Variants in EIF3H observed in about 807,000 individuals in gnomAD.
The protein encoded by EIF3H is eIF-3-gamma.
EIF3H carries 26 observed loss-of-function variants against 44.2 expected under a neutral mutation model. The observed-to-expected ratio is 0.59, with a 90% CI of 0.43 to 0.82. The LOEUF (loss-of-function observed/expected upper bound fraction) is 0.82, where lower values mean the gene tolerates loss of function less well. Ranked by LOEUF, EIF3H falls within the 40% of genes least tolerant of loss-of-function variation. EIF3H has a pLI of 0.00. For missense variants in EIF3H, 359 were observed against 432.8 expected (o/e 0.83, Z 1.51); for synonymous variants, 166 against 151.9 (o/e 1.09, Z -0.68).
chr8:116,757,941 C>T (rs1192543316), upstream of EIF3H, among the ~76,000 whole-genome samples: 5 of 152,104 alleles, frequency 3.3e-5, no homozygotes, highest in Non-Finnish European at 5.9e-5. Flanking sequence ...AGGCTGGTTT[C>T]GAACGCCTCA....
At chr8:116,750,403 CTTTTTTTTTTT>C (rs771136977) in intron 1 of EIF3H, among the ~76,000 whole-genome samples, 5 of 129,714 alleles carry the variant, frequency 3.9e-5, no homozygotes, top group African/African-American at 1.2e-4. Flanking sequence ...TTTAGCATGA[CTTTTTTTTTTT>C]TTTTTTTTTT....
At chr8:116,761,758 T>C (rs1356414127) in intron 1 of EIF3H, among the ~76,000 whole-genome samples, 2 of 152,210 alleles carry the variant, frequency 1.3e-5, no homozygotes, top group Non-Finnish European at 2.9e-5. Context: ...CTTGAAATCT[T>C]TTTCTAAGAG....
chr8:116,671,194 T>C (rs1308748101), intron 2 of EIF3H, among the ~76,000 whole-genome samples: 1 of 152,246 alleles, frequency 6.6e-6, no homozygotes, highest in Non-Finnish European at 1.5e-5. Context: ...TTTGTTTTAC[T>C]TTCCCTAAAC....
chr8:116,692,172 T>C (rs1814189770), intron 2 of EIF3H, among the ~76,000 whole-genome samples: 1 of 152,164 alleles, frequency 6.6e-6, no homozygotes, highest in South Asian at 2.1e-4. Context: ...ACTACAGGGG[T>C]AAGCATAGAC....
At chr8:116,724,501 T>G (rs912867164) in intron 2 of EIF3H, among the ~76,000 whole-genome samples, 1 of 151,814 alleles carries the variant, frequency 6.6e-6, no homozygotes, top group African/African-American at 2.4e-5. Context: ...ACAATCAACC[T>G]AGTAAAAAGG....
intron 2 of EIF3H, among the ~76,000 whole-genome samples, chr8:116,674,323 G>T (rs1490557808): frequency 7.5e-6 from 1 of 134,116 alleles, no homozygotes; most frequent in Non-Finnish European, 1.5e-5. Flanking sequence ...GGTGGAGGTG[G>T]GGGGGGGTGG....
At position 116,646,569 on chromosome 8, in the gene EIF3H, C is replaced by A; in HGVS notation, c.863G>T (p.Arg288Leu). Residue 288 changes from arginine (R) to leucine (L), a missense_variant, in exon 7 of 8, where the codon CGC becomes CTC. Around this residue, in one of 5 missense-constraint regions of EIF3H, gnomAD observed 94 missense variants for 96.0 expected, o/e 0.98. Transcript: ENST00000521861. ...GAGCGGGGGTTCTCCTCGGCTCTGG[C>A]GCTGCATATTCTCCTGCTGGCGACG... ...QQRRQQENMQ[R>L]QSRGEPPLPE... 1.9e-6 allele frequency: 3 copies of A among 1,614,024 alleles called. No homozygotes were observed. Among genetic ancestry groups the A allele is most frequent in the Non-Finnish European group, 2.5e-6 (3 of 1,179,982 alleles).
upstream of EIF3H, among the ~76,000 whole-genome samples, chr8:116,759,727 GCGCGCGCACACA>G (rs1334105034): frequency 1.3e-5 from 2 of 152,068 alleles, no homozygotes; most frequent in African/African-American, 4.8e-5. Context: ...GTGTGCGTGT[GCGCGCGCACACA>G]CGCACATGCT....
intron 2 of EIF3H, among the ~76,000 whole-genome samples, chr8:116,712,139 T>C (rs980919790): frequency 6.6e-6 from 1 of 152,222 alleles, no homozygotes; most frequent in African/African-American, 2.4e-5. Context: ...CATTGCTGTC[T>C]GCTGAGGATA....
chr8:116,744,472 T>C (rs796780648), intron 1 of EIF3H, among the ~76,000 whole-genome samples: 6 of 152,334 alleles, frequency 3.9e-5, no homozygotes, highest in African/African-American at 1.4e-4. Context: ...TTAACAAGAA[T>C]ATGGCATATT....
chr8:116,760,677 T>G (rs1371191328), upstream of EIF3H, among the ~76,000 whole-genome samples: 1 of 152,210 alleles, frequency 6.6e-6, no homozygotes, highest in Non-Finnish European at 1.5e-5. Context: ...AATTAATACT[T>G]CATATTGGTG....
chr8:116,647,501 CTG>C (rs1813324467), intron 6 of EIF3H, among the ~76,000 whole-genome samples: 1 of 152,212 alleles, frequency 6.6e-6, no homozygotes, highest in South Asian at 2.1e-4. Context: ...CTTTCAAACT[CTG>C]GATTCCTATG....
intron 5 of EIF3H, among the ~76,000 whole-genome samples, chr8:116,651,995 T>C (rs562083842): frequency 6.6e-6 from 1 of 152,130 alleles, no homozygotes; most frequent in South Asian, 2.1e-4. Context: ...GTGAAAGTAA[T>C]GAGGAAGAGA....
At chr8:116,673,227 T>C (rs1813787014) in intron 2 of EIF3H, among the ~76,000 whole-genome samples, 1 of 152,144 alleles carries the variant, frequency 6.6e-6, no homozygotes, top group Non-Finnish European at 1.5e-5. Context: ...ATTTGGTCAC[T>C]GCCGGAGGAT....
chr8:116,646,631 T>C (rs1237124336), intron 6 of EIF3H, 28 bp from the exon 7 acceptor site: 1 of 1,611,380 alleles, frequency 6.2e-7, no homozygotes, highest in Non-Finnish European at 8.5e-7. Flanking sequence ...AATGGTTTGG[T>C]TATTTTTCTC....
intron 1 of EIF3H, among the ~76,000 whole-genome samples, chr8:116,740,887 C>T (rs528691757): frequency 3.1e-4 from 47 of 152,058 alleles, no homozygotes; most frequent in Non-Finnish European, 5.7e-4. Flanking sequence ...CTACCCTACC[C>T]ATACCTTCCT....
rs1023759391 is a variant in EIF3H, at chr8:116,712,807, C to T, written c.289+13209G>A. Among the ~76,000 whole-genome samples, 3 of 152,116 alleles carry T rather than the reference C, an allele frequency of 2.0e-5. No homozygotes were observed. The East Asian group carries it at 5.8e-4, about 29-fold the overall frequency. ...GATAGCACTCTTTTAGGATGAAGAG[C>T]AGTTTGGAAAACTCAGTATTAGCAC... is the stretch of plus-strand genomic sequence containing the variant. On this transcript the variant is annotated intron_variant, in intron 2 of 7. Coordinates refer to ENST00000521861, the MANE Select transcript of EIF3H (RefSeq NM_003756.3).
intron 6 of EIF3H, 62 bp from the exon 7 acceptor site, chr8:116,646,665 T>C (rs1332066464): frequency 6.3e-7 from 1 of 1,592,784 alleles, no homozygotes; most frequent in Non-Finnish European, 8.6e-7. Context: ...AAAAAAGATG[T>C]CCTTCCCCTA....
chr8:116,725,100 T>G (rs887740616), intron 2 of EIF3H, among the ~76,000 whole-genome samples: 2 of 152,148 alleles, frequency 1.3e-5, no homozygotes, highest in Non-Finnish European at 2.9e-5. Context: ...TATTCAGCCT[T>G]AAGAAAAAAG....
Sources: allele counts gnomAD v4.1 joint callset (sites outside exome capture counted in the v4.1 genomes callset), GRCh38; gene constraint gnomAD v4.1.1; regional missense constraint gnomAD v4.1.1; transcripts MANE v1.5; gene names NCBI Gene and HGNC (gene_info 2026-07-23, HGNC 2026-07-21).